SPTAN1: variants seen among roughly 807,000 people sequenced by gnomAD.
SPTAN1 encodes spectrin alpha chain, non-erythrocytic 1.
Under a neutral mutation model 331.3 loss-of-function variants are expected in SPTAN1, and 61 were observed. That is an observed-to-expected ratio of 0.18 (90% CI 0.15 to 0.23). The LOEUF (loss-of-function observed/expected upper bound fraction) is 0.23. SPTAN1 is among the 10% of genes least tolerant of loss of function. The probability of loss-of-function intolerance (pLI) is 1.00; values close to 1 mark genes in which losing one functional copy is unlikely to be tolerated. For synonymous variants in SPTAN1, 1,153 were observed against 1,173.9 expected (o/e 0.98, Z 0.36); for missense variants, 2,043 against 3,147.9 (o/e 0.65, Z 8.40).
At chr9:128,570,457 CCT>C (rs1445650532) in intron 3 of SPTAN1, among the ~76,000 whole-genome samples, 2 of 150,580 alleles carry the variant, frequency 1.3e-5, no homozygotes, top group East Asian at 3.9e-4. Context: ...CCTGCCTCAG[CCT>C]CCTAACTAGC....
chr9:128,624,015 G>A lies in SPTAN1; in HGVS notation c.5833-313G>A, dbSNP rs899169331. ...GGAGAATCTCTTGAACCCGGGAGGC[G>A]GAGGTTGCAGTGAGCCGAGATCACG... On this transcript the variant is annotated intron_variant, in intron 45 of 56. Coordinates refer to ENST00000372739, the MANE Select transcript of SPTAN1 (RefSeq NM_001130438.3). Among the ~76,000 whole-genome samples, 5 of 149,622 alleles carry A rather than the reference G, an allele frequency of 3.3e-5. No individual in the cohort carries two copies. The East Asian group carries it at 7.9e-4, about 24-fold the overall frequency.
chr9:128,618,719 G>C (rs1234135449), intron 43 of SPTAN1, 152 bp from the exon 44 acceptor site: 9 of 1,081,948 alleles, frequency 8.3e-6, no homozygotes, highest in Non-Finnish European at 1.1e-5. Flanking sequence ...TCCTGATCTC[G>C]TGATCTGCCC....
Position 128,593,008 on chromosome 9 carries a change from A to C in SPTAN1, c.3181A>C (p.Ser1061Arg). 1 of 1,610,432 alleles carries C rather than the reference A, an allele frequency of 6.2e-7. No homozygotes were observed. Among genetic ancestry groups the C allele is most frequent in the Non-Finnish European group, 8.5e-7 (1 of 1,178,242 alleles). Residue 1061 changes from serine (S) to arginine (R), a missense_variant, in exon 23 of 57, where the codon AGT (serine) becomes CGT (arginine). By Grantham distance (110) the Ser-to-Arg change is moderately radical. Transcript: ENST00000372739. ...NQTRITKEAGSVSLRMKQVEE... is the reference protein window; with the variant it reads ...NQTRITKEAGRVSLRMKQVEE... ...GACACGCATAACTAAGGAGGCCGGCAGTGTATCTCTGCGTATGAAGCAGGT... is the reference window on the plus strand; with the variant it reads ...GACACGCATAACTAAGGAGGCCGGCCGTGTATCTCTGCGTATGAAGCAGGT...
chr9:128,599,975 T>G (rs1854878749), intron 26 of SPTAN1, 105 bp from the exon 27 acceptor site: 4 of 1,165,676 alleles, frequency 3.4e-6, no homozygotes, highest in African/African-American at 1.5e-5. Flanking sequence ...TGTATTAGTA[T>G]CTGGGATCTC....
At position 128,633,528 on chromosome 9, in the gene SPTAN1, T is replaced by G; in HGVS notation, c.*194T>G. 8.8e-7 allele frequency: 1 copy of G among 1,135,414 alleles called. No homozygotes were observed. Among genetic ancestry groups the G allele is most frequent in the Non-Finnish European group, 1.3e-6 (1 of 780,610 alleles). 70.3% of individuals were successfully genotyped at this position (1,135,414 alleles called of 1,614,324 possible). On this transcript the variant is annotated 3_prime_UTR_variant, in exon 57 of 57. Transcript: ENST00000372739. The stretch of plus-strand genomic sequence containing the variant: ...CATCATGTCACTGTGGGGACCCAGA[T>G]CTGTGTCTTGAAGCAGCTGCCCTCA...
Position 128,584,614 on chromosome 9 carries a change from C to G in SPTAN1, c.2437+89C>G, listed in dbSNP as rs1344173724. 13 of 1,613,664 alleles carry G rather than the reference C, an allele frequency of 8.1e-6. No homozygotes were observed. In the South Asian group the frequency reaches 1.4e-4, roughly 18 times the overall value. ...GGATGCATGTCAGGATGGGCAGGGT[C>G]GAATTTAAATTATTGAACTGGAACC... is the stretch of plus-strand genomic sequence containing the variant. On this transcript the variant is annotated intron_variant, in intron 17 of 56. Coordinates refer to ENST00000372739, the MANE Select transcript of SPTAN1 (RefSeq NM_001130438.3).
chr9:128,581,075 AG>A lies in SPTAN1; in HGVS notation c.1461+17del, dbSNP rs748547880. 7 of 1,613,792 alleles carry A rather than the reference AG, an allele frequency of 4.3e-6. No individual in the cohort carries two copies. Among genetic ancestry groups the A allele is most frequent in the Non-Finnish European group, 5.9e-6 (7 of 1,180,032 alleles). ...CAAGCAGGAGGTAATCTGTGAGCAA[AG>A]CCTTGCCAGTGGTGGGAGAAGAAGG... is the stretch of plus-strand genomic sequence containing the variant. On this transcript the variant is annotated intron_variant, in intron 11 of 56. Coordinates refer to ENST00000372739, the MANE Select transcript of SPTAN1 (RefSeq NM_001130438.3).
chr9:128,623,766 G>A lies in SPTAN1; in HGVS notation c.5833-562G>A, dbSNP rs549237171. 1.6e-4 allele frequency among the ~76,000 whole-genome samples: 25 copies of A among 151,722 alleles called. No individual in the cohort carries two copies. In the East Asian group the frequency reaches 4.1e-3, roughly 25 times the overall value. ...TAGGATTACAGGCGTTAGCCACTGCGCCTGGCCCATATTTCTTTAGAATTA... is the reference window on the plus strand; with the variant it reads ...TAGGATTACAGGCGTTAGCCACTGCACCTGGCCCATATTTCTTTAGAATTA... On this transcript the variant is annotated intron_variant, in intron 45 of 56. Transcript: ENST00000372739.
At chr9:128,590,518 AC>A (rs1412277503) in intron 21 of SPTAN1, among the ~76,000 whole-genome samples, 1 of 148,222 alleles carries the variant, frequency 6.7e-6, no homozygotes, top group African/African-American at 2.5e-5. Flanking sequence ...AACCTGGGGC[AC>A]ATAGCGAGAC....
chr9:128,616,658 T>C (rs1857202768), intron 41 of SPTAN1, among the ~76,000 whole-genome samples: 1 of 151,472 alleles, frequency 6.6e-6, no homozygotes, highest in African/African-American at 2.4e-5. Flanking sequence ...TCCCAGCTGC[T>C]TGTGAGGCTG....
intron 27 of SPTAN1, among the ~76,000 whole-genome samples, chr9:128,600,530 T>A (rs546757260): frequency 6.6e-6 from 1 of 152,272 alleles, no homozygotes; most frequent in Non-Finnish European, 1.5e-5. Flanking sequence ...AGATGCCCAA[T>A]ACAGAGATGT....
At chr9:128,567,018 C>T in intron 2 of SPTAN1, 41 bp downstream of exon 2, 1 of 1,612,484 alleles carries the variant, frequency 6.2e-7, no homozygotes, top group Non-Finnish European at 8.5e-7. Flanking sequence ...AATTCAAGAG[C>T]CCAAATGTTC....
chr9:128,612,723 C>T (rs1396857839), intron 39 of SPTAN1, among the ~76,000 whole-genome samples: 2 of 152,066 alleles, frequency 1.3e-5, no homozygotes, highest in Non-Finnish European at 2.9e-5. Context: ...GTCAGGAGTT[C>T]GAGACCAGCC....
intron 45 of SPTAN1, among the ~76,000 whole-genome samples, chr9:128,624,086 CAAAAAAAAAAAAAA>C (rs11444346): frequency 4.5e-5 from 3 of 66,812 alleles, no homozygotes; most frequent in South Asian, 5.2e-4. Flanking sequence ...CACTCCGTCT[CAAAAAAAAAAAAAA>C]AAAAAAAAAA....
rs1344540172 is a variant in SPTAN1, at chr9:128,632,192, C to T, written c.6828C>T (p.Ala2276=). The change falls in exon 53 of 57, where the codon GCC becomes GCT. Residue 2276 remains alanine, a synonymous_variant. Transcript: ENST00000372739. ...QLKKIEDLGA[A]MEEALILDNK... The stretch of plus-strand genomic sequence containing the variant: ...AAAAGATCGAGGACCTGGGGGCCGC[C>T]ATGGAGGAGGCCCTCATCCTGGACA... The T allele has an allele frequency of 6.2e-7, 1 of 1,613,392 alleles. No individual in the cohort carries two copies. Among genetic ancestry groups the T allele is most frequent in the African/African-American group, 1.3e-5 (1 of 74,940 alleles).
intron 20 of SPTAN1, among the ~76,000 whole-genome samples, chr9:128,588,582 A>T (rs898276452): frequency 1.3e-5 from 2 of 152,094 alleles, no homozygotes; most frequent in African/African-American, 4.8e-5. Context: ...AAGTGCTGAG[A>T]TTACACGTAT....
At chr9:128,583,692 C>T (rs1852220677) in intron 15 of SPTAN1, 96 bp from the exon 16 acceptor site, 1 of 1,302,784 alleles carries the variant, frequency 7.7e-7, no homozygotes, top group East Asian at 2.3e-5. Flanking sequence ...AAATTCTGAC[C>T]TGTATAGTCC....
Position 128,552,656 on chromosome 9 carries a change from C to T in SPTAN1, c.-44C>T, listed in dbSNP as rs1413734570. 1 of 151,834 alleles carries T rather than the reference C, an allele frequency of 6.6e-6. No homozygotes were observed. Among genetic ancestry groups the T allele is most frequent in the African/African-American group, 2.4e-5 (1 of 41,342 alleles). 9.4% of individuals were successfully genotyped at this position (151,834 alleles called of 1,614,324 possible). ...GAGGCTCCTCGGTCCTTCAGCACCC[C>T]TCGGCCCGACGCACCCACGCCCCTC... On this transcript the variant is annotated 5_prime_UTR_variant, in exon 1 of 57. Transcript: ENST00000372739. This position sits in a 1 kb window ranked among gnomAD's most constrained non-coding sequence, Gnocchi z 4.6.
At chr9:128,565,324 A>G (rs927230793) in intron 1 of SPTAN1, among the ~76,000 whole-genome samples, 10 of 152,224 alleles carry the variant, frequency 6.6e-5, no homozygotes, top group Admixed American at 2.0e-4. Flanking sequence ...AAAAAGCCAT[A>G]AAAGATTTGG....
Sources: gnomAD v4.1 joint callset for allele counts (sites outside exome capture counted in the v4.1 genomes callset) on GRCh38, gnomAD v4.1.1 for gene constraint, Gnocchi (gnomAD v3.1) non-coding constraint, MANE v1.5 for transcripts, NCBI Gene and HGNC (gene_info 2026-07-23, HGNC 2026-07-21) for gene names.